STON2: variants seen among roughly 807,000 people sequenced by gnomAD.
The protein encoded by STON2 is stonin-2.
A neutral mutation model predicts 65.7 loss-of-function variants in STON2; 29 were observed. The observed-to-expected ratio is 0.44, with a 90% CI of 0.33 to 0.60. STON2 has a LOEUF of 0.60. Ranked by LOEUF, STON2 falls within the 20% of genes least tolerant of loss-of-function variation. The pLI is 0.03. For missense variants in STON2, 1,054 were observed against 1,118.1 expected (o/e 0.94, Z 0.82); for synonymous variants, 404 against 414.2 (o/e 0.98, Z 0.30).
chr14:81,428,238 T>C (rs75022819), intron 1 of STON2, among the ~76,000 whole-genome samples: 4,084 of 152,262 alleles, frequency 0.027, 185 homozygotes, highest in African/African-American at 0.092. Flanking sequence ...GGACACGGAA[T>C]GATTTAGAAA....
chr14:81,271,351 C>A (rs991501274), intron 6 of STON2, among the ~76,000 whole-genome samples: 1 of 152,060 alleles, frequency 6.6e-6, no homozygotes, highest in African/African-American at 2.4e-5. Context: ...CATGCTTTTG[C>A]GGGTAAATGA....
At chr14:81,435,214 C>G (rs993970704) in intron 1 of STON2, among the ~76,000 whole-genome samples, 11 of 152,138 alleles carry the variant, frequency 7.2e-5, no homozygotes, top group Admixed American at 7.2e-4. Flanking sequence ...TACCGCCCCC[C>G]AAAAGGACAT....
rs1894950595 is a variant in STON2, at chr14:81,278,263, T to C, written c.1219A>G (p.Thr407Ala). ...RRSQNSSISS[T>A]TGKSQRDSLI... ...GAATCTCTTTGGCTTTTGCCCGTGG[T>C]ACTGGAAATGGAACTGTTTTGGGAG... Residue 407 changes from threonine to alanine, a missense_variant, in exon 6 of 8, where the codon ACC (threonine) becomes GCC (alanine). Transcript: ENST00000614646. 1 of 1,614,126 alleles carries C rather than the reference T, an allele frequency of 6.2e-7. No individual in the cohort carries two copies. The highest frequency in any genetic ancestry group is 1.1e-5 in the South Asian group (1 of 91,084).
At chr14:81,307,063 T>C (rs1189687963) in intron 5 of STON2, among the ~76,000 whole-genome samples, 2 of 152,228 alleles carry the variant, frequency 1.3e-5, no homozygotes, top group Non-Finnish European at 2.9e-5. Context: ...CTGACTGTTA[T>C]AACTGGAAGG....
At chr14:81,360,539 C>T (rs895426134) in intron 4 of STON2, among the ~76,000 whole-genome samples, 1 of 152,058 alleles carries the variant, frequency 6.6e-6, no homozygotes, top group Non-Finnish European at 1.5e-5. Context: ...CAGTAAAGGC[C>T]ATATGTGATT....
At chr14:81,275,544 G>A (rs1367374336) in intron 6 of STON2, among the ~76,000 whole-genome samples, 1 of 152,130 alleles carries the variant, frequency 6.6e-6, no homozygotes, top group Non-Finnish European at 1.5e-5. Context: ...CGTGGATAAG[G>A]TAGAAGTTAC....
chr14:81,372,609 C>T (rs895672136), intron 3 of STON2, among the ~76,000 whole-genome samples: 6 of 148,258 alleles, frequency 4.0e-5, no homozygotes, highest in African/African-American at 1.5e-4. Flanking sequence ...CCAACAGGTA[C>T]TGAAACAAGT....
chr14:81,425,370 C>T (rs942495993), intron 2 of STON2, among the ~76,000 whole-genome samples: 2 of 152,034 alleles, frequency 1.3e-5, no homozygotes, highest in Non-Finnish European at 1.5e-5. Flanking sequence ...GTCAGGAGTT[C>T]GAGACCAGCT....
intron 4 of STON2, among the ~76,000 whole-genome samples, chr14:81,329,254 C>T (rs1897114439): frequency 6.6e-6 from 1 of 152,010 alleles, no homozygotes; most frequent in South Asian, 2.1e-4. Context: ...GGGAGATAGA[C>T]CATCCTGGCT....
At chr14:81,383,004 TGAAA>T (rs1249239850) in intron 3 of STON2, among the ~76,000 whole-genome samples, 1 of 152,302 alleles carries the variant, frequency 6.6e-6, no homozygotes. Flanking sequence ...CAAGCTTAGC[TGAAA>T]GAAAGTACTG....
intron 4 of STON2, among the ~76,000 whole-genome samples, chr14:81,331,506 G>C: frequency 6.6e-6 from 1 of 152,228 alleles, no homozygotes; most frequent in East Asian, 1.9e-4. Context: ...ACTGGGAGGG[G>C]GGGTACAGAG....
chr14:81,408,136 A>AACACACACAC (rs149914558), intron 2 of STON2, among the ~76,000 whole-genome samples: 3,216 of 149,052 alleles, frequency 0.022, 125 homozygotes, highest in African/African-American at 0.075. Flanking sequence ...TTCACTGAAG[A>AACACACACAC]ACACACACAC....
intron 4 of STON2, among the ~76,000 whole-genome samples, chr14:81,367,720 G>A (rs1898802758): frequency 6.6e-6 from 1 of 152,148 alleles, no homozygotes; most frequent in Non-Finnish European, 1.5e-5. Context: ...TCCATGGCCT[G>A]CGGAGCTGCT....
chr14:81,419,866 C>T (rs193236560), intron 2 of STON2, among the ~76,000 whole-genome samples: 1 of 152,124 alleles, frequency 6.6e-6, no homozygotes, highest in Admixed American at 6.5e-5. Context: ...AAACATAAGA[C>T]GGAGTGGGCC....
At chr14:81,306,637 C>G (rs1957545) in intron 5 of STON2, 119,739 of 152,052 alleles carry the variant, frequency 0.79, 47,293 homozygotes, top group African/African-American at 0.8. Context: ...TTCACCTTCA[C>G]GGATTTCAGT....
intron 7 of STON2, chr14:81,269,467 C>G: frequency 1.0e-6 from 1 of 985,434 alleles, no homozygotes; most frequent in Non-Finnish European, 1.2e-6. Context: ...TTTGATAGCT[C>G]AGGCAAGGAA....
At chr14:81,347,994 A>G (rs530778592) in intron 4 of STON2, among the ~76,000 whole-genome samples, 4 of 151,860 alleles carry the variant, frequency 2.6e-5, no homozygotes, top group African/African-American at 4.8e-5. Context: ...AAATATATAC[A>G]TCACATCCAC....
chr14:81,428,012 ACTC>A (rs1357095679), intron 1 of STON2, among the ~76,000 whole-genome samples: 1 of 151,912 alleles, frequency 6.6e-6, no homozygotes, highest in Non-Finnish European at 1.5e-5. Flanking sequence ...ATGAAATGCT[ACTC>A]CTCATGTAAT....
At chr14:81,428,975 G>C (rs1902113696) in intron 1 of STON2, among the ~76,000 whole-genome samples, 1 of 152,178 alleles carries the variant, frequency 6.6e-6, no homozygotes, top group African/African-American at 2.4e-5. Context: ...AAATATGCTT[G>C]AGAATGCCCT....
Sources: gnomAD v4.1 joint callset for allele counts (sites outside exome capture counted in the v4.1 genomes callset) on GRCh38, gnomAD v4.1.1 for gene constraint, MANE v1.5 for transcripts, NCBI Gene and HGNC (gene_info 2026-07-23, HGNC 2026-07-21) for gene names.